NYAP2: variants seen among roughly 807,000 people sequenced by gnomAD.
The protein encoded by NYAP2 is neuronal tyrosine-phosphorylated phosphoinositide-3-kinase adaptor 2, also known as neuronal tyrosine-phosphorylated phosphoinositide-3-kinase adapter 2.
NYAP2 carries 23 observed loss-of-function variants against 50.4 expected under a neutral mutation model. The ratio of observed to expected loss-of-function variants is 0.46; its 90% CI spans 0.33 to 0.65. The LOEUF (loss-of-function observed/expected upper bound fraction) is 0.65. Ranked by LOEUF, NYAP2 falls within the 30% of genes least tolerant of loss-of-function variation. The pLI is 0.02. For missense variants in NYAP2, 885 were observed against 861.0 expected, an observed-to-expected ratio of 1.03 and a Z score of -0.35; for synonymous variants, 394 against 365.2, an observed-to-expected ratio of 1.08 and a Z score of -0.90.
chr2:225,657,716 A>G (rs1693850715), downstream of NYAP2, among the ~76,000 whole-genome samples: 1 of 152,186 alleles, frequency 6.6e-6, no homozygotes, highest in Non-Finnish European at 1.5e-5. Flanking sequence ...GAGCATAGAG[A>G]TGACTTGTTT....
intron 2 of NYAP2, among the ~76,000 whole-genome samples, chr2:225,404,093 G>T (rs1694902840): frequency 6.6e-6 from 1 of 151,968 alleles, no homozygotes; most frequent in Non-Finnish European, 1.5e-5. Context: ...ATATTAGTTG[G>T]TGCTACATTA....
At chr2:225,659,401 C>A in the NYAP2 span, among the ~76,000 whole-genome samples, 1 of 152,178 alleles carries the variant, frequency 6.6e-6, no homozygotes, top group African/African-American at 2.4e-5. Context: ...TGTGCCAGGA[C>A]TGGGCTCGGA....
At chr2:225,649,638 G>C (rs1023468222) in intron 6 of NYAP2, among the ~76,000 whole-genome samples, 3 of 152,222 alleles carry the variant, frequency 2.0e-5, no homozygotes, top group African/African-American at 7.2e-5. Flanking sequence ...ACAAAGTGCT[G>C]AGATTATAGA....
At chr2:225,628,710 G>A (rs929495403) in intron 6 of NYAP2, among the ~76,000 whole-genome samples, 2 of 152,040 alleles carry the variant, frequency 1.3e-5, no homozygotes, top group Admixed American at 1.3e-4. Flanking sequence ...TTAGTTTGGG[G>A]CTTATCAGTA....
downstream of NYAP2, among the ~76,000 whole-genome samples, chr2:225,658,778 T>A (rs1359303483): frequency 6.6e-6 from 1 of 152,256 alleles, no homozygotes; most frequent in Non-Finnish European, 1.5e-5. Context: ...AATCAAGGAA[T>A]ATGTAAAATG....
chr2:225,477,074 C>T (rs1205539599), intron 3 of NYAP2, among the ~76,000 whole-genome samples: 1 of 152,024 alleles, frequency 6.6e-6, no homozygotes, highest in Non-Finnish European at 1.5e-5. Flanking sequence ...ATGTAGTACA[C>T]ATCATATCCA....
At chr2:225,635,612 C>A (rs1011226402) in intron 6 of NYAP2, among the ~76,000 whole-genome samples, 2 of 152,138 alleles carry the variant, frequency 1.3e-5, no homozygotes, top group Admixed American at 1.3e-4. Context: ...TTTGGCAGAA[C>A]ATAATATAAG....
chr2:225,401,165 C>A (rs1016902442), intron 2 of NYAP2, 122 bp downstream of exon 2: 4 of 152,478 alleles, frequency 2.6e-5, no homozygotes, highest in African/African-American at 9.7e-5. Flanking sequence ...CTGAAGTTTG[C>A]ATGCCTTATT....
chr2:225,655,439 T>C (rs1242384623), downstream of NYAP2, among the ~76,000 whole-genome samples: 2 of 152,206 alleles, frequency 1.3e-5, no homozygotes, highest in Non-Finnish European at 2.9e-5. Flanking sequence ...TCAGACTGAA[T>C]TTTTGTGCCT....
intron 3 of NYAP2, among the ~76,000 whole-genome samples, chr2:225,441,530 ACAGTTCTG>A (rs1689470383): frequency 6.6e-6 from 1 of 152,202 alleles, no homozygotes; most frequent in Non-Finnish European, 1.5e-5. Context: ...TAATTGACTC[ACAGTTCTG>A]CAGGGCTGGG....
chr2:225,585,301 C>T (rs1210787636), intron 5 of NYAP2, among the ~76,000 whole-genome samples: 1 of 152,160 alleles, frequency 6.6e-6, no homozygotes, highest in Non-Finnish European at 1.5e-5. Flanking sequence ...GGGATTTCCT[C>T]CCTACCTATC....
intron 5 of NYAP2, among the ~76,000 whole-genome samples, chr2:225,599,248 G>T (rs1692657674): frequency 6.6e-6 from 1 of 152,166 alleles, no homozygotes; most frequent in South Asian, 2.1e-4. Context: ...CACTAGGTCT[G>T]GGACTGAGGA....
At chr2:225,578,545 GT>G (rs531818499) in intron 4 of NYAP2, among the ~76,000 whole-genome samples, 4 of 152,182 alleles carry the variant, frequency 2.6e-5, no homozygotes, top group Admixed American at 6.5e-5. Flanking sequence ...AAACTGGAGA[GT>G]CAGATCAAGA....
At chr2:225,573,246 A>C (rs551272289) in intron 4 of NYAP2, among the ~76,000 whole-genome samples, 10 of 128,930 alleles carry the variant, frequency 7.8e-5, no homozygotes, top group Non-Finnish European at 1.5e-4. Flanking sequence ...CAACATTATT[A>C]TTTCTTTTTT....
chr2:225,543,559 T>A (rs576994157), intron 4 of NYAP2, among the ~76,000 whole-genome samples: 3 of 152,216 alleles, frequency 2.0e-5, no homozygotes, highest in Non-Finnish European at 2.9e-5. Context: ...GTTTGTATAG[T>A]TTCCAAAGTT....
the NYAP2 span, among the ~76,000 whole-genome samples, chr2:225,696,837 A>G: frequency 2.6e-5 from 4 of 151,922 alleles, no homozygotes; most frequent in Non-Finnish European, 5.9e-5. Context: ...AGAGTTACCA[A>G]ATCACTTTAA....
At chr2:225,398,657 C>T (rs1694808868), upstream of NYAP2, among the ~76,000 whole-genome samples, 1 of 151,280 alleles carries the variant, frequency 6.6e-6, no homozygotes, top group South Asian at 2.1e-4. Context: ...AAAGGGAGAG[C>T]ATTGGGATAG....
At chr2:225,493,443 T>G (rs1690445003) in intron 3 of NYAP2, among the ~76,000 whole-genome samples, 1 of 152,200 alleles carries the variant, frequency 6.6e-6, no homozygotes, top group South Asian at 2.1e-4. Context: ...TTATCTAACA[T>G]GTACAGGGTG....
intron 2 of NYAP2, among the ~76,000 whole-genome samples, chr2:225,407,158 C>G (rs1694955267): frequency 6.6e-6 from 1 of 151,972 alleles, no homozygotes; most frequent in South Asian, 2.1e-4. Context: ...AAGTGAATTC[C>G]TGACAATGGC....
Sources: gnomAD v4.1 joint callset for allele counts (sites outside exome capture counted in the v4.1 genomes callset) on GRCh38, gnomAD v4.1.1 for gene constraint, MANE v1.5 for transcripts, NCBI Gene and HGNC (gene_info 2026-07-23, HGNC 2026-07-21) for gene names.